The following TAOK2 variants were observed in gnomAD, a reference collection of about 807,000 sequenced individuals.
TAOK2 encodes the protein serine/threonine-protein kinase TAO2.
In TAOK2, 42 loss-of-function variants were observed where a neutral mutation model predicts 122.5. The observed-to-expected ratio is 0.34, with a 90% CI of 0.27 to 0.44. The LOEUF is 0.44. Ranked by LOEUF, TAOK2 falls within the 20% of genes least tolerant of loss-of-function variation. The pLI, the probability that TAOK2 is intolerant of heterozygous loss-of-function variation, is 1.00. For missense variants in TAOK2, 1,264 were observed against 1,644.9 expected (o/e 0.77, Z 4.01); for synonymous variants, 704 against 677.6 (o/e 1.04, Z -0.61).
At position 29,988,346 on chromosome 16, in the gene TAOK2, C is replaced by G; in HGVS notation, c.*366C>G. On this transcript the variant is annotated 3_prime_UTR_variant, in exon 16 of 16. Transcript: ENST00000308893. The stretch of plus-strand genomic sequence containing the variant: ...TCCCTTCCAACCTGTCCCCTTCCCC[C>G]CACCAAAAAAAGAAAAAGACAAACA... 7.2e-7 allele frequency: 1 copy of G among 1,385,448 alleles called. No individual in the cohort carries two copies. 85.8% of individuals were successfully genotyped at this position (1,385,448 alleles called of 1,614,324 possible).
Position 29,985,953 on chromosome 16 carries a change from C to T in TAOK2, c.1992+92C>T. ...TTTCCTCATTCTTGTCTTCTTTCTCCTTGGCCCTCGAGTGTTACAGTTCAG... is the reference window on the plus strand; with the variant it reads ...TTTCCTCATTCTTGTCTTCTTTCTCTTTGGCCCTCGAGTGTTACAGTTCAG... On this transcript the variant is annotated intron_variant, in intron 15 of 15. Coordinates refer to ENST00000308893, the MANE Select transcript of TAOK2 (RefSeq NM_016151.4). This position sits in a 1 kb window ranked among gnomAD's most constrained non-coding sequence, Gnocchi z 6.9. The T allele has an allele frequency of 6.9e-6, 10 of 1,446,652 alleles. No homozygotes were observed. Among genetic ancestry groups the T allele is most frequent in the Non-Finnish European group, 8.5e-6 (9 of 1,061,360 alleles). The allele number at this position is 1,446,652 out of a possible 1,614,324, so 89.6% of individuals were successfully genotyped here. A position where few individuals can be genotyped will look rare whatever the true frequency, so the allele number is the denominator to read the frequency against.
chr16:29,988,773 C>T (rs1266088013), downstream of TAOK2: 15 of 985,236 alleles, frequency 1.5e-5, no homozygotes, highest in South Asian at 9.4e-5. Context: ...GGTTGGGGGA[C>T]GGGGCTGCAG....
Position 29,988,222 on chromosome 16 carries a change from G to A in TAOK2, c.*242G>A. ...TTATTGCTGTTCGCCCGCTGTGTGTGCTCATCCTCACCCTCATTGACTCAG... is the reference window on the plus strand; with the variant it reads ...TTATTGCTGTTCGCCCGCTGTGTGTACTCATCCTCACCCTCATTGACTCAG... On this transcript the variant is annotated 3_prime_UTR_variant, in exon 16 of 16. Coordinates refer to ENST00000308893, the MANE Select transcript of TAOK2 (RefSeq NM_016151.4). The A allele has an allele frequency of 1.4e-6, 2 of 1,438,322 alleles. No individual in the cohort carries two copies. The highest frequency in any genetic ancestry group is 1.8e-6 in the Non-Finnish European group (2 of 1,101,980). 89.1% of individuals were successfully genotyped at this position (1,438,322 alleles called of 1,614,324 possible).
intron 13 of TAOK2, among the ~76,000 whole-genome samples, chr16:29,984,641 TG>T (rs1195034682): frequency 6.6e-6 from 1 of 152,136 alleles, no homozygotes; most frequent in African/African-American, 2.4e-5. Flanking sequence ...CAATTGAGAA[TG>T]AGACCTGAGA....
chr16:29,991,083 T>G (rs752652039), downstream of TAOK2: 25 of 1,585,702 alleles, frequency 1.6e-5, no homozygotes, highest in Admixed American at 5.2e-5. This position sits in a 1 kb window ranked among gnomAD's most constrained non-coding sequence, Gnocchi z 5.6. Context: ...GACAGGACGC[T>G]CCGAGCGAAT....
Position 29,987,903 on chromosome 16 carries a change from C to T in TAOK2, c.3631C>T (p.Arg1211Cys), listed in dbSNP as rs562874743. The change falls in exon 16 of 16, where the codon CGC becomes TGC. Residue 1211 changes from arginine to cysteine, a missense_variant. Arg to Cys is a radical substitution (Grantham distance 180). This residue lies in a region of TAOK2 where 824 missense variants were observed against 908.7 expected (regional missense o/e 0.91). Coordinates refer to ENST00000308893, the MANE Select transcript of TAOK2 (RefSeq NM_016151.4). ...SQRQLGPPAS[R>C]QPLPGTLAGR... The stretch of plus-strand genomic sequence containing the variant: ...GCGCCAGCTAGGGCCCCCTGCCTCC[C>T]GCCAGCCACTGCCAGGGACTCTAGC... The T allele has an allele frequency of 8.4e-5, 134 of 1,588,960 alleles. No individual in the cohort carries two copies. In the Admixed American group the frequency reaches 2.1e-3, roughly 25 times the overall value.
chr16:29,981,450 C>G (rs1014844859), intron 8 of TAOK2: 139 of 630,134 alleles, frequency 2.2e-4, no homozygotes, highest in Non-Finnish European at 3.2e-4. Context: ...TCTTTGACCC[C>G]TATTCCACCC....
rs1039947213 is a variant in TAOK2, at chr16:29,983,059, G to T, written c.1000-13G>T. On this transcript the variant is annotated splice_polypyrimidine_tract_variant and intron_variant, in intron 11 of 15. Coordinates refer to ENST00000308893, the MANE Select transcript of TAOK2 (RefSeq NM_016151.4). ...TCCCCTTCCCTGTCCAGCAGCCTAC[G>T]CCCTGTTCGCAGGAGGCCGAGCCCT... 5.0e-6 allele frequency: 8 copies of T among 1,613,372 alleles called. No homozygotes were observed. The highest frequency in any genetic ancestry group is 5.9e-6 in the Non-Finnish European group (7 of 1,179,946).
chr16:29,981,848 G>A lies in TAOK2; in HGVS notation c.750-11G>A. On this transcript the variant is annotated splice_polypyrimidine_tract_variant and intron_variant, in intron 9 of 15. Coordinates refer to ENST00000308893, the MANE Select transcript of TAOK2 (RefSeq NM_016151.4). ...TTCCCCACCCCTCTCCCACCCTCCT[G>A]TGACTTTCAGGTCTGAGTACTTCCG... is the stretch of plus-strand genomic sequence containing the variant. The A allele has an allele frequency of 6.2e-7, 1 of 1,612,868 alleles. No homozygotes were observed. Among genetic ancestry groups the A allele is most frequent in the Non-Finnish European group, 8.5e-7 (1 of 1,179,130 alleles).
rs145501593 is a variant in TAOK2 at position 29,974,373 on chromosome 16, G to T, written c.-311G>T. 7.0e-3 allele frequency: 1,070 copies of T among 152,706 alleles called. 7 individuals carry two copies. Among genetic ancestry groups the T allele is most frequent in the Non-Finnish European group, 0.011 (716 of 68,024 alleles). The allele number at this position is 152,706 out of a possible 1,614,324, so 9.5% of individuals were successfully genotyped here. On this transcript the variant is annotated 5_prime_UTR_variant, in exon 1 of 16. Coordinates refer to ENST00000308893, the MANE Select transcript of TAOK2 (RefSeq NM_016151.4). Reference sequence around the variant, plus strand: ...AAATATCGGATTCAGTCTCCATCCCGTTCAGATATTCGGGGTTCAGACCCC... The same window carrying T: ...AAATATCGGATTCAGTCTCCATCCCTTTCAGATATTCGGGGTTCAGACCCC...
Position 29,985,065 on chromosome 16 carries a change from A to G in TAOK2, c.1423-148A>G. On this transcript the variant is annotated intron_variant, in intron 13 of 15. Transcript: ENST00000308893. The surrounding 1 kb of genome is among the most constrained non-coding windows in gnomAD (Gnocchi z 6.9). ...ATCACCATTATCCAGTTGAGGAAACAGGCTAGAGTGGCCGTGTGTGAGGAA... is the reference window on the plus strand; with the variant it reads ...ATCACCATTATCCAGTTGAGGAAACGGGCTAGAGTGGCCGTGTGTGAGGAA... 1 of 1,010,368 alleles carries G rather than the reference A, an allele frequency of 9.9e-7. No individual in the cohort carries two copies. The highest frequency in any genetic ancestry group is 2.8e-5 in the East Asian group (1 of 36,126). 62.6% of individuals were successfully genotyped at this position (1,010,368 alleles called of 1,614,324 possible).
At chr16:29,990,038 C>T (rs900015425), downstream of TAOK2, 1 of 486,124 alleles carries the variant, frequency 2.1e-6, no homozygotes, top group Non-Finnish European at 3.7e-6. Context: ...TGCCTATTCC[C>T]AAGAACCACC....
At chr16:29,977,061 A>G (rs2069477035) in intron 1 of TAOK2, among the ~76,000 whole-genome samples, 1 of 152,198 alleles carries the variant, frequency 6.6e-6, no homozygotes. Context: ...AATGTCCTGT[A>G]CCTGTGTGTG....
At position 29,988,135 on chromosome 16, in the gene TAOK2, C is replaced by T; in HGVS notation, c.*155C>T. The T allele has an allele frequency of 1.4e-6, 2 of 1,432,742 alleles. No homozygotes were observed. The highest frequency in any genetic ancestry group is 1.8e-6 in the Non-Finnish European group (2 of 1,098,458). The allele number at this position is 1,432,742 out of a possible 1,614,324, so 88.8% of individuals were successfully genotyped here. On this transcript the variant is annotated 3_prime_UTR_variant, in exon 16 of 16. Coordinates refer to ENST00000308893, the MANE Select transcript of TAOK2 (RefSeq NM_016151.4). ...CCAGCCCTTCGGACCTCTAGACAGG[C>T]AGCCTCCTCAGCTGTGGAGTCCAGC...
rs1361507987 is a variant in TAOK2 at position 29,981,692 on chromosome 16, T to C, written c.687T>C (p.Asn229=). ...AERKPPLFNM[N]AMSALYHIAQ... ...GGAAACCACCGCTCTTTAACATGAA[T>C]GCGATGAGTGCCTTATACCACATTG... The change falls in exon 9 of 16, where the codon AAT becomes AAC. Residue 229 remains asparagine, a synonymous_variant. Coordinates refer to ENST00000308893, the MANE Select transcript of TAOK2 (RefSeq NM_016151.4). The C allele has an allele frequency of 3.1e-6, 5 of 1,614,216 alleles. No homozygotes were observed. The highest frequency in any genetic ancestry group is 4.2e-6 in the Non-Finnish European group (5 of 1,180,042).
At position 29,985,608 on chromosome 16, in the gene TAOK2, G is replaced by T; in HGVS notation, c.1788+30G>T. On this transcript the variant is annotated intron_variant, in intron 14 of 15. Transcript: ENST00000308893. This position sits in a 1 kb window ranked among gnomAD's most constrained non-coding sequence, Gnocchi z 6.9. Reference sequence around the variant, plus strand: ...GCTAGGGCTGCTTGGGGGCGGAGCCGATGGCGAGCCAGGTGGGTCCTGACC... The same window carrying T: ...GCTAGGGCTGCTTGGGGGCGGAGCCTATGGCGAGCCAGGTGGGTCCTGACC... 2 of 1,603,350 alleles carry T rather than the reference G, an allele frequency of 1.2e-6. No individual in the cohort carries two copies. Among genetic ancestry groups the T allele is most frequent in the East Asian group, 2.2e-5 (1 of 44,654 alleles).
At position 29,985,559 on chromosome 16, in the gene TAOK2, G is replaced by T. The variant is rs770907647; in HGVS notation, c.1769G>T (p.Arg590Leu). The change falls in exon 14 of 16, where the codon CGC (arginine) becomes CTC (leucine). Residue 590 changes from arginine to leucine, a missense_variant. Arg to Leu is a moderately radical substitution (Grantham distance 102, BLOSUM62 -2). Transcript: ENST00000308893. The surrounding 1 kb of genome is among the most constrained non-coding windows in gnomAD (Gnocchi z 6.9). ...LEAQKRTYKLRKEQLKEELQE... is the reference protein window; with the variant it reads ...LEAQKRTYKLLKEQLKEELQE... The stretch of plus-strand genomic sequence containing the variant: ...GCACAGAAGCGGACCTACAAACTTC[G>T]CAAGGAACAGCTGAAGGAGGTGAGC... The T allele has an allele frequency of 1.2e-6, 2 of 1,602,230 alleles. No homozygotes were observed. Among genetic ancestry groups the T allele is most frequent in the African/African-American group, 1.3e-5 (1 of 74,742 alleles).
At position 29,986,244 on chromosome 16, in the gene TAOK2, C is replaced by T. The variant is rs758644033; in HGVS notation, c.1993-21C>T. ...CCTTGATACTGACCAGGCCCCGGGC[C>T]CTGCATTTCTTCTGCCTCAGGACCT... On this transcript the variant is annotated intron_variant, in intron 15 of 15. Coordinates refer to ENST00000308893, the MANE Select transcript of TAOK2 (RefSeq NM_016151.4). The surrounding 1 kb of genome is among the most constrained non-coding windows in gnomAD (Gnocchi z 4.2). 1 of 1,508,180 alleles carries T rather than the reference C, an allele frequency of 6.6e-7. No individual in the cohort carries two copies. Among genetic ancestry groups the T allele is most frequent in the African/African-American group, 1.4e-5 (1 of 71,428 alleles). The allele number at this position is 1,508,180 out of a possible 1,614,324, so 93.4% of individuals were successfully genotyped here. A position where few individuals can be genotyped will look rare whatever the true frequency, so the allele number is the denominator to read the frequency against.
Position 29,984,727 on chromosome 16 carries a change from A to G in TAOK2, c.1423-486A>G, listed in dbSNP as rs529714247. On this transcript the variant is annotated intron_variant, in intron 13 of 15. Coordinates refer to ENST00000308893, the MANE Select transcript of TAOK2 (RefSeq NM_016151.4). ...ATCTTGTGGCCCCGATCCCACCTCA[A>G]TACCTGGGGAGTGATAGGCCGACCA... Among the ~76,000 whole-genome samples, 3 of 152,254 alleles carry G rather than the reference A, an allele frequency of 2.0e-5. No homozygotes were observed. The East Asian group carries it at 5.8e-4, about 29-fold the overall frequency.
Sources: gnomAD v4.1 joint callset for allele counts (sites outside exome capture counted in the v4.1 genomes callset) on GRCh38, gnomAD v4.1.1 for gene constraint, gnomAD v4.1.1 regional missense constraint, Gnocchi (gnomAD v3.1) non-coding constraint, MANE v1.5 for transcripts, NCBI Gene and HGNC (gene_info 2026-07-23, HGNC 2026-07-21) for gene names.